The following SCHIP1 variants were observed in gnomAD, a reference collection of about 807,000 sequenced individuals.
The protein encoded by SCHIP1 is schwannomin-interacting protein 1.
A neutral mutation model predicts 29.7 loss-of-function variants in SCHIP1; 8 were observed. The observed-to-expected ratio is 0.27, with a 90% CI of 0.16 to 0.49. The LOEUF is 0.49. Ranked by LOEUF, SCHIP1 falls within the 20% of genes least tolerant of loss-of-function variation. The pLI is 0.99. For synonymous variants in SCHIP1, 76 were observed against 94.9 expected (o/e 0.80, Z 1.16); for missense variants, 193 against 294.6 (o/e 0.66, Z 2.52).
the SCHIP1 span, among the ~76,000 whole-genome samples, chr3:159,655,513 T>C: frequency 3.9e-5 from 6 of 152,280 alleles, 1 homozygote; most frequent in African/African-American, 1.4e-4. Flanking sequence ...CTTAAGTCCC[T>C]GGTCCTTCTC....
chr3:159,885,794 G>C (rs1240370261), intron 2 of SCHIP1, among the ~76,000 whole-genome samples: 2 of 152,228 alleles, frequency 1.3e-5, no homozygotes, highest in Non-Finnish European at 1.5e-5. Context: ...TGGGATGCTG[G>C]CTCCAGTGAG....
the SCHIP1 span, among the ~76,000 whole-genome samples, chr3:159,812,828 A>G: frequency 6.6e-3 from 1,005 of 152,282 alleles, 7 homozygotes; most frequent in African/African-American, 0.023. Context: ...TAAGGAAAAG[A>G]GGTTTGTCTG....
At chr3:159,681,145 A>T in the SCHIP1 span, among the ~76,000 whole-genome samples, 1 of 152,148 alleles carries the variant, frequency 6.6e-6, no homozygotes, top group Admixed American at 6.6e-5. Context: ...ATCTCTCTGC[A>T]GCAAGTGAGG....
the SCHIP1 span, among the ~76,000 whole-genome samples, chr3:159,747,686 A>G: frequency 6.6e-6 from 1 of 152,168 alleles, no homozygotes; most frequent in Non-Finnish European, 1.5e-5. Flanking sequence ...CATGAGAAGC[A>G]TAGACAGCCA....
At chr3:159,420,277 A>G in the SCHIP1 span, among the ~76,000 whole-genome samples, 5 of 152,242 alleles carry the variant, frequency 3.3e-5, no homozygotes, top group Non-Finnish European at 7.3e-5. Flanking sequence ...GAGAAAAAAC[A>G]TCAGGAGGCT....
At chr3:159,843,762 G>T (rs928350807) in intron 1 of SCHIP1, among the ~76,000 whole-genome samples, 4 of 146,080 alleles carry the variant, frequency 2.7e-5, no homozygotes, top group Non-Finnish European at 5.9e-5. Flanking sequence ...GGCAGAGCTT[G>T]CAGTGAGCTG....
chr3:159,640,372 A>G, the SCHIP1 span, among the ~76,000 whole-genome samples: 2 of 152,144 alleles, frequency 1.3e-5, no homozygotes, highest in African/African-American at 4.8e-5. Context: ...CAATTCCACA[A>G]TGCAGGTCTG....
chr3:159,771,263 C>A, the SCHIP1 span, among the ~76,000 whole-genome samples: 1 of 152,166 alleles, frequency 6.6e-6, no homozygotes, highest in African/African-American at 2.4e-5. Context: ...TAGTTTATTT[C>A]CTTAGTTACT....
intron 6 of SCHIP1, among the ~76,000 whole-genome samples, chr3:159,895,535 C>T (rs1717976966): frequency 6.6e-6 from 1 of 152,186 alleles, no homozygotes; most frequent in African/African-American, 2.4e-5. Context: ...CAAACCCCAT[C>T]ATTCTCTGAG....
chr3:159,278,344 G>C, the SCHIP1 span, among the ~76,000 whole-genome samples: 6 of 152,182 alleles, frequency 3.9e-5, no homozygotes, highest in Admixed American at 3.9e-4. Flanking sequence ...CCAGGAGGGA[G>C]AGTAAGATGC....
At chr3:159,309,573 T>G in the SCHIP1 span, among the ~76,000 whole-genome samples, 1 of 148,308 alleles carries the variant, frequency 6.7e-6, no homozygotes, top group East Asian at 2.0e-4. Flanking sequence ...TCCTTTGGAT[T>G]CCTGCTCACA....
chr3:159,821,347 A>G, the SCHIP1 span, among the ~76,000 whole-genome samples: 1 of 152,222 alleles, frequency 6.6e-6, no homozygotes, highest in African/African-American at 2.4e-5. Context: ...GGGAAAATGT[A>G]GAGAGGGCCA....
chr3:159,676,481 T>C, the SCHIP1 span, among the ~76,000 whole-genome samples: 1 of 152,236 alleles, frequency 6.6e-6, no homozygotes, highest in African/African-American at 2.4e-5. Flanking sequence ...TTTTATTACA[T>C]AGAATACTGA....
chr3:159,462,378 C>T, the SCHIP1 span, among the ~76,000 whole-genome samples: 1 of 152,090 alleles, frequency 6.6e-6, no homozygotes, highest in African/African-American at 2.4e-5. Flanking sequence ...GCCCTGCGTC[C>T]TCCTCACTGA....
chr3:159,649,998 T>A, the SCHIP1 span, among the ~76,000 whole-genome samples: 5 of 152,190 alleles, frequency 3.3e-5, no homozygotes, highest in African/African-American at 9.7e-5. Flanking sequence ...ATAGCTACAC[T>A]TTTTCATAGA....
chr3:159,395,926 A>G, the SCHIP1 span, among the ~76,000 whole-genome samples: 1 of 152,024 alleles, frequency 6.6e-6, no homozygotes, highest in Non-Finnish European at 1.5e-5. Context: ...GGGGTGTTAA[A>G]TTCTCCCATT....
At chr3:159,797,091 G>A in the SCHIP1 span, among the ~76,000 whole-genome samples, 1 of 152,068 alleles carries the variant, frequency 6.6e-6, no homozygotes, top group African/African-American at 2.4e-5. Context: ...TGTTTGTTTT[G>A]TTTTGTAAAA....
the SCHIP1 span, among the ~76,000 whole-genome samples, chr3:159,485,622 TG>T: frequency 6.6e-6 from 1 of 152,226 alleles, no homozygotes; most frequent in African/African-American, 2.4e-5. Context: ...GCATGGACTT[TG>T]GCTTCCAATG....
At chr3:159,397,126 T>C in the SCHIP1 span, among the ~76,000 whole-genome samples, 323 of 151,904 alleles carry the variant, frequency 2.1e-3, 1 homozygote, top group Admixed American at 3.4e-3. Flanking sequence ...CTCCTGAGGC[T>C]TCTGCATTCT....
Sources: gnomAD v4.1 joint callset for allele counts (sites outside exome capture counted in the v4.1 genomes callset) on GRCh38, gnomAD v4.1.1 for gene constraint, MANE v1.5 for transcripts, NCBI Gene and HGNC (gene_info 2026-07-23, HGNC 2026-07-21) for gene names.